The following DAB1 variants were observed in gnomAD, a reference collection of about 807,000 sequenced individuals.
DAB1 encodes DAB adaptor protein 1, also known as disabled homolog 1.
A neutral mutation model predicts 64.6 loss-of-function variants in DAB1; 15 were observed. That is an observed-to-expected ratio of 0.23 (90% CI 0.16 to 0.36). The LOEUF (loss-of-function observed/expected upper bound fraction) is 0.36. Ranked by LOEUF, DAB1 falls within the 10% of genes least tolerant of loss-of-function variation. The pLI is 1.00. For missense variants in DAB1, 596 were observed against 706.7 expected, an observed-to-expected ratio of 0.84 and a Z score of 1.78; for synonymous variants, 235 against 251.9, an observed-to-expected ratio of 0.93 and a Z score of 0.64.
At chr1:57,030,356 C>T (rs562947018) in intron 9 of DAB1, among the ~76,000 whole-genome samples, 5 of 152,286 alleles carry the variant, frequency 3.3e-5, no homozygotes, top group Admixed American at 2.0e-4. Context: ...AATACAGAGG[C>T]CCAACCAGCT....
At chr1:57,865,448 T>C (rs1654254273) in intron 1 of DAB1, among the ~76,000 whole-genome samples, 1 of 152,134 alleles carries the variant, frequency 6.6e-6, no homozygotes, top group South Asian at 2.1e-4. Flanking sequence ...GCCCTAAATA[T>C]GTTGGTCTCC....
At chr1:58,431,723 CCTT>C (rs1289777789) in intron 3 of DAB1, among the ~76,000 whole-genome samples, 1 of 151,922 alleles carries the variant, frequency 6.6e-6, no homozygotes, top group African/African-American at 2.4e-5. Flanking sequence ...CAGTTAGCTC[CCTT>C]CTTCTTCCCT....
At chr1:57,840,477 T>C (rs533241345) in intron 1 of DAB1, among the ~76,000 whole-genome samples, 19 of 152,228 alleles carry the variant, frequency 1.2e-4, no homozygotes, top group African/African-American at 4.1e-4. Context: ...CAAAAATGCA[T>C]TTAATATATC....
intron 5 of DAB1, among the ~76,000 whole-genome samples, chr1:58,026,865 G>T (rs1377073166): frequency 6.6e-6 from 1 of 152,146 alleles, no homozygotes; most frequent in Non-Finnish European, 1.5e-5. Context: ...AGGTCAATTT[G>T]CCAGGTGCCT....
intron 4 of DAB1, among the ~76,000 whole-genome samples, chr1:58,192,221 G>A (rs1657425562): frequency 6.6e-6 from 1 of 152,164 alleles, no homozygotes; most frequent in Non-Finnish European, 1.5e-5. Context: ...ATAGAATGGT[G>A]GTTGCCAGGG....
intron 1 of DAB1, among the ~76,000 whole-genome samples, chr1:57,323,140 C>T (rs1675862535): frequency 6.6e-6 from 1 of 152,156 alleles, no homozygotes; most frequent in African/African-American, 2.4e-5. Context: ...GATATACCAC[C>T]TAATTCTCCC....
At chr1:57,810,036 G>T (rs1651543797) in intron 6 of DAB1, among the ~76,000 whole-genome samples, 1 of 152,160 alleles carries the variant, frequency 6.6e-6, no homozygotes, top group Admixed American at 6.5e-5. Context: ...TTTGCTAGGA[G>T]ACCATAAAAC....
At chr1:57,557,982 A>C (rs1645009666) in intron 7 of DAB1, among the ~76,000 whole-genome samples, 1 of 151,528 alleles carries the variant, frequency 6.6e-6, no homozygotes, top group Non-Finnish European at 1.5e-5. Context: ...ATTGTGGAAA[A>C]ACAGACACAA....
At chr1:57,782,981 C>G in intron 6 of DAB1, among the ~76,000 whole-genome samples, 1 of 127,704 alleles carries the variant, frequency 7.8e-6, no homozygotes, top group East Asian at 2.8e-4. Context: ...TTTCCTCCCT[C>G]CCTCCCTCCC....
At chr1:57,667,722 T>G (rs1646464779) in intron 6 of DAB1, among the ~76,000 whole-genome samples, 1 of 152,100 alleles carries the variant, frequency 6.6e-6, no homozygotes, top group Non-Finnish European at 1.5e-5. Context: ...TCATGTCCTT[T>G]GCAAGGACAT....
chr1:58,264,951 T>C (rs1661127674), intron 4 of DAB1, among the ~76,000 whole-genome samples: 1 of 152,216 alleles, frequency 6.6e-6, no homozygotes, highest in Non-Finnish European at 1.5e-5. Flanking sequence ...AAGAAAGGTT[T>C]TAATTTAAAC....
At chr1:57,486,158 A>T (rs1644089315) in intron 7 of DAB1, among the ~76,000 whole-genome samples, 1 of 152,198 alleles carries the variant, frequency 6.6e-6, no homozygotes, top group South Asian at 2.1e-4. Flanking sequence ...GCTTTAAATT[A>T]TGCGCTCCCA....
chr1:58,258,247 G>A (rs1166819158), intron 4 of DAB1, among the ~76,000 whole-genome samples: 2 of 152,148 alleles, frequency 1.3e-5, no homozygotes, highest in African/African-American at 2.4e-5. Context: ...CAACAGACAC[G>A]CCGGGGGCAC....
intron 5 of DAB1, among the ~76,000 whole-genome samples, chr1:58,124,343 G>A (rs1652933127): frequency 6.6e-6 from 1 of 151,998 alleles, no homozygotes; most frequent in South Asian, 2.1e-4. Context: ...TTTACAATAT[G>A]TTATTTTCAT....
intron 2 of DAB1, among the ~76,000 whole-genome samples, chr1:57,165,094 G>A (rs938799827): frequency 1.3e-5 from 2 of 152,122 alleles, no homozygotes; most frequent in African/African-American, 4.8e-5. Context: ...TCGGTTGGAT[G>A]ATCTTTCCCC....
chr1:58,542,863 T>C lies in DAB1; in HGVS notation n.32+3840A>G, dbSNP rs552458516. Among the ~76,000 whole-genome samples the C allele has an allele frequency of 3.3e-5, 5 of 152,308 alleles. No homozygotes were observed. In the East Asian group the frequency reaches 7.7e-4, roughly 23 times the overall value. On this transcript the variant is annotated intron_variant and non_coding_transcript_variant, in intron 1 of 20. Coordinates refer to the DAB1 transcript ENST00000485760. Reference sequence around the variant, plus strand: ...AGAGCTAGGAGTAGGTATTTGATACTGAAAAGATTTTACATAAAACAGTAT... The same window carrying C: ...AGAGCTAGGAGTAGGTATTTGATACCGAAAAGATTTTACATAAAACAGTAT...
chr1:57,408,114 G>A (rs1683803164), intron 1 of DAB1, among the ~76,000 whole-genome samples: 1 of 152,136 alleles, frequency 6.6e-6, no homozygotes, highest in South Asian at 2.1e-4. Flanking sequence ...CAGGGACTGA[G>A]AGAGGGAACT....
intron 5 of DAB1, among the ~76,000 whole-genome samples, chr1:58,037,948 C>T (rs183961877): frequency 1.3e-5 from 2 of 152,250 alleles, no homozygotes. Flanking sequence ...TAGAGAGAGG[C>T]AGCCCTGTTG....
intron 2 of DAB1, among the ~76,000 whole-genome samples, chr1:57,152,521 C>T (rs549929357): frequency 7.9e-5 from 12 of 152,284 alleles, no homozygotes; most frequent in Admixed American, 7.8e-4. Context: ...GAAAGAAAAG[C>T]AGTAACTGCC....
Sources: gnomAD v4.1 joint callset for allele counts (sites outside exome capture counted in the v4.1 genomes callset) on GRCh38, gnomAD v4.1.1 for gene constraint, MANE v1.5 for transcripts, NCBI Gene and HGNC (gene_info 2026-07-23, HGNC 2026-07-21) for gene names.